Variants in SMIM31 observed in about 807,000 individuals in gnomAD.
SMIM31 encodes the protein human epithelial cell program regulator.
chr4:164,758,799 AAATTTTTTTTTTTTTT>A, intron 1 of SMIM31, among the ~76,000 whole-genome samples: 1 of 84,994 alleles, frequency 1.2e-5, no homozygotes, highest in Admixed American at 1.2e-4. Flanking sequence ...ACGCCCGGCC[AAATTTTTTTTTTTTTT>A]TTTTTTTTTT....
chr4:164,780,385 C>CAG (rs1732934036), intron 2 of SMIM31, among the ~76,000 whole-genome samples: 1 of 152,220 alleles, frequency 6.6e-6, no homozygotes, highest in African/African-American at 2.4e-5. Flanking sequence ...CGAGATTGCG[C>CAG]CACTGCACTC....
rs1427464933 is a variant in SMIM31, at chr4:164,782,448, G to A, written c.112+11893G>A. ...GGCTGGAGTGCAGTGGTACGATCTC[G>A]GCTCACTGCAAGCTCCGCTTCCCAG... On this transcript the variant is annotated intron_variant, in intron 2 of 2. Transcript: ENST00000507311. Among the ~76,000 whole-genome samples the A allele has an allele frequency of 4.4e-5, 6 of 136,488 alleles. No individual in the cohort carries two copies. In the South Asian group the frequency reaches 7.0e-4, roughly 16 times the overall value. The allele number at this position is 136,488 out of a possible 152,430, so 89.5% of individuals were successfully genotyped here.
chr4:164,759,656 C>CTTCATTCA (rs138287277), intron 1 of SMIM31, among the ~76,000 whole-genome samples: 20 of 152,016 alleles, frequency 1.3e-4, no homozygotes, highest in Non-Finnish European at 8.8e-5. Context: ...TTCATTAGAT[C>CTTCATTCA]TTCATTCATT....
chr4:164,765,827 C>A (rs1032302554), intron 1 of SMIM31, among the ~76,000 whole-genome samples: 1 of 152,016 alleles, frequency 6.6e-6, no homozygotes, highest in Non-Finnish European at 1.5e-5. Context: ...TCCCACTGCC[C>A]AGAAAAGTGC....
chr4:164,762,927 G>A (rs768973708), intron 1 of SMIM31, among the ~76,000 whole-genome samples: 18 of 151,966 alleles, frequency 1.2e-4, no homozygotes, highest in Non-Finnish European at 2.4e-4. Flanking sequence ...GCTCTCCTTG[G>A]GCAAAAATAA....
chr4:164,797,705 C>G (rs13434845), intron 2 of SMIM31, among the ~76,000 whole-genome samples: 55,861 of 151,794 alleles, frequency 0.37, 10,533 homozygotes, highest in East Asian at 0.42. Flanking sequence ...CTCAGGTGAT[C>G]AGCCCGCCTA....
chr4:164,790,009 C>A (rs1009841281), intron 2 of SMIM31, among the ~76,000 whole-genome samples: 8 of 152,280 alleles, frequency 5.3e-5, no homozygotes, highest in African/African-American at 1.9e-4. Flanking sequence ...TTGGAGACTT[C>A]ATTCAGCTTT....
At chr4:164,761,576 T>C (rs1227177491) in intron 1 of SMIM31, among the ~76,000 whole-genome samples, 1 of 152,134 alleles carries the variant, frequency 6.6e-6, no homozygotes, top group African/African-American at 2.4e-5. Flanking sequence ...ATCATAGTTA[T>C]ACCTGGATTG....
At chr4:164,796,274 C>T (rs550829826) in intron 2 of SMIM31, among the ~76,000 whole-genome samples, 58 of 152,194 alleles carry the variant, frequency 3.8e-4, no homozygotes, top group African/African-American at 1.3e-3. Context: ...TCACAACTGC[C>T]GAAAATGTTA....
intron 1 of SMIM31, among the ~76,000 whole-genome samples, chr4:164,762,889 G>A (rs958359577): frequency 6.6e-6 from 1 of 152,026 alleles, no homozygotes; most frequent in East Asian, 1.9e-4. Flanking sequence ...ACATGCAAAG[G>A]GGAAAACCTA....
At chr4:164,758,638 T>G (rs1467583770) in intron 1 of SMIM31, among the ~76,000 whole-genome samples, 2 of 126,864 alleles carry the variant, frequency 1.6e-5, no homozygotes, top group African/African-American at 5.7e-5. Context: ...TTGTTTTTTT[T>G]TTTTTTTTTT....
At chr4:164,783,818 A>T (rs1414325477) in intron 2 of SMIM31, among the ~76,000 whole-genome samples, 1 of 151,738 alleles carries the variant, frequency 6.6e-6, no homozygotes, top group Non-Finnish European at 1.5e-5. Flanking sequence ...ATATCTTGCT[A>T]AAATAAAATA....
intron 2 of SMIM31, 39 bp from the exon 3 acceptor site, chr4:164,801,052 G>A (rs1328123226): frequency 1.3e-5 from 5 of 398,124 alleles, no homozygotes; most frequent in African/African-American, 1.0e-4. Flanking sequence ...TCCAAATGGT[G>A]TATTTACATT....
chr4:164,772,436 C>T (rs566292965), intron 2 of SMIM31, among the ~76,000 whole-genome samples: 1 of 152,258 alleles, frequency 6.6e-6, no homozygotes, highest in South Asian at 2.1e-4. Context: ...AAACCGTTAT[C>T]AGGAGCCTTC....
chr4:164,787,398 A>T (rs886473143), intron 2 of SMIM31: 5 of 152,168 alleles, frequency 3.3e-5, no homozygotes, highest in Non-Finnish European at 7.3e-5. Context: ...AATTAAAAAA[A>T]GAAAAAAGAA....
At chr4:164,781,788 C>T (rs371458665) in intron 2 of SMIM31, among the ~76,000 whole-genome samples, 23 of 152,302 alleles carry the variant, frequency 1.5e-4, no homozygotes, top group African/African-American at 5.3e-4. Flanking sequence ...ATAGTGGATG[C>T]TTCCACCTAT....
At chr4:164,775,049 G>A (rs1272690775) in intron 2 of SMIM31, among the ~76,000 whole-genome samples, 3 of 152,180 alleles carry the variant, frequency 2.0e-5, no homozygotes, top group Non-Finnish European at 4.4e-5. Context: ...CAGCCAAGAG[G>A]AGAAAACTGA....
At chr4:164,776,011 A>C (rs1732875838) in intron 2 of SMIM31, among the ~76,000 whole-genome samples, 1 of 152,206 alleles carries the variant, frequency 6.6e-6, no homozygotes, top group Non-Finnish European at 1.5e-5. Context: ...CCCAGGCAGA[A>C]ACCTTCACTA....
At chr4:164,768,058 C>A (rs1401946987) in intron 1 of SMIM31, among the ~76,000 whole-genome samples, 1 of 135,196 alleles carries the variant, frequency 7.4e-6, no homozygotes, top group African/African-American at 2.6e-5. Context: ...CATAATGAGA[C>A]CTTGTCTCTA....
Sources: allele counts gnomAD v4.1 joint callset (sites outside exome capture counted in the v4.1 genomes callset), GRCh38; gene constraint gnomAD v4.1.1; transcripts MANE v1.5; gene names NCBI Gene and HGNC (gene_info 2026-07-23, HGNC 2026-07-21).